The following JAKMIP2 variants were observed in gnomAD, a reference collection of about 807,000 sequenced individuals.
JAKMIP2 encodes janus kinase and microtubule-interacting protein 2.
A neutral mutation model predicts 115.0 loss-of-function variants in JAKMIP2; 25 were observed. That is an observed-to-expected ratio of 0.22 (90% CI 0.16 to 0.30). The LOEUF is 0.30. Among genes scored for constraint, JAKMIP2 ranks in the 10% least tolerant of loss-of-function variants. The pLI is 1.00. For missense variants in JAKMIP2, 642 were observed against 957.6 expected, an observed-to-expected ratio of 0.67 and a Z score of 4.35; for synonymous variants, 334 against 343.6, an observed-to-expected ratio of 0.97 and a Z score of 0.31.
Position 147,651,604 on chromosome 5 carries a change from T to C in JAKMIP2, c.628-1057A>G, listed in dbSNP as rs541673915. On this transcript the variant is annotated intron_variant, in intron 3 of 21. Coordinates refer to ENST00000616793, the MANE Select transcript of JAKMIP2 (RefSeq NM_001270941.2). ...ACAATACTTTTGTATAAATTTTTCT[T>C]TGCTGTGTGCTCTTAGACCAGAAAA... Among the ~76,000 whole-genome samples, 28 of 152,292 alleles carry C rather than the reference T, an allele frequency of 1.8e-4. No homozygotes were observed. The South Asian group carries it at 5.8e-3, about 32-fold the overall frequency.
chr5:147,707,902 G>C (rs1220123272), intron 1 of JAKMIP2, among the ~76,000 whole-genome samples: 28 of 152,160 alleles, frequency 1.8e-4, no homozygotes, highest in Admixed American at 1.8e-3. Flanking sequence ...TTTGAGGCAG[G>C]CTACATCAAC....
chr5:147,603,925 GT>G (rs1336522566), intron 20 of JAKMIP2, among the ~76,000 whole-genome samples: 1 of 151,526 alleles, frequency 6.6e-6, no homozygotes, highest in African/African-American at 2.4e-5. Context: ...TCCCCTTTTT[GT>G]TTTTTTTAAA....
chr5:147,637,571 C>T (rs922807056), intron 10 of JAKMIP2, among the ~76,000 whole-genome samples: 1 of 151,552 alleles, frequency 6.6e-6, no homozygotes, highest in African/African-American at 2.4e-5. Context: ...TCCCAAATAG[C>T]TTGGATTACA....
chr5:147,643,686 T>G (rs1422209080), intron 7 of JAKMIP2, among the ~76,000 whole-genome samples: 1 of 152,184 alleles, frequency 6.6e-6, no homozygotes, highest in Non-Finnish European at 1.5e-5. Flanking sequence ...AAACAAGGTA[T>G]ATATGTGATG....
In JAKMIP2 at chr5:147,764,908, AAGAAAGAAAGAAAGAG is replaced by A. The variant is rs1468061505; in HGVS notation, c.-149+17532_-149+17547del. On this transcript the variant is annotated intron_variant, in intron 1 of 21. Transcript: ENST00000616793. ...TAAAAGGGAAAGAAAGAAAGAAAGA[AAGAAAGAAAGAAAGAG>A]AGAGAGAGAGAGAGAGAGAGAGGGA... Among the ~76,000 whole-genome samples the A allele has an allele frequency of 6.2e-4, 59 of 95,134 alleles. 1 individual carries two copies. The highest frequency in any genetic ancestry group is 9.2e-4 in the Non-Finnish European group (48 of 52,434). The allele number at this position is 95,134 out of a possible 152,430, so 62.4% of individuals were successfully genotyped here. A position where few individuals can be genotyped will look rare whatever the true frequency, so the allele number is the denominator to read the frequency against.
At chr5:147,696,957 A>G (rs1191537072) in intron 1 of JAKMIP2, among the ~76,000 whole-genome samples, 1 of 152,198 alleles carries the variant, frequency 6.6e-6, no homozygotes, top group African/African-American at 2.4e-5. Flanking sequence ...TCTAAGCAGC[A>G]GAGTGTTCAA....
At chr5:147,649,893 A>G (rs1758313263) in intron 4 of JAKMIP2, among the ~76,000 whole-genome samples, 1 of 152,212 alleles carries the variant, frequency 6.6e-6, no homozygotes, top group African/African-American at 2.4e-5. Flanking sequence ...CAATCAGACA[A>G]TAAGTCTTCA....
At chr5:147,640,621 A>C (rs1757837576) in intron 9 of JAKMIP2, 83 bp downstream of exon 9, 9 of 1,448,208 alleles carry the variant, frequency 6.2e-6, no homozygotes, top group Non-Finnish European at 7.6e-6. Flanking sequence ...AAAGGAGATG[A>C]AAAGTGAAAT....
At position 147,644,167 on chromosome 5, in the gene JAKMIP2, T is replaced by C. The variant is rs1389232956; in HGVS notation, c.1115A>G (p.Lys372Arg). Residue 372 changes from lysine to arginine, a missense_variant, in exon 7 of 22, where the codon AAG becomes AGG. By Grantham distance (26) the Lys-to-Arg change is conservative. Around this residue, in one of 6 missense-constraint regions of JAKMIP2, gnomAD observed 439 missense variants for 570.9 expected, o/e 0.77. Coordinates refer to ENST00000616793, the MANE Select transcript of JAKMIP2 (RefSeq NM_001270941.2). ...REKITSHPPL[K>R]KLKSLNDLDQ... Reference sequence around the variant, plus strand: ...GAGGTCATTCAGAGATTTTAATTTCTTCAGGGGTGGATGGGATGTTATTTT... The same window carrying C: ...GAGGTCATTCAGAGATTTTAATTTCCTCAGGGGTGGATGGGATGTTATTTT... 1.2e-6 allele frequency: 2 copies of C among 1,600,242 alleles called. No homozygotes were observed. The highest frequency in any genetic ancestry group is 1.1e-5 in the South Asian group (1 of 88,984).
At chr5:147,676,056 G>A (rs899648844) in intron 1 of JAKMIP2, among the ~76,000 whole-genome samples, 4 of 152,108 alleles carry the variant, frequency 2.6e-5, no homozygotes, top group African/African-American at 7.2e-5. Context: ...TGCCTGGACC[G>A]GGTGCGGTGG....
intron 1 of JAKMIP2, among the ~76,000 whole-genome samples, chr5:147,706,220 CA>C (rs1432222629): frequency 9.9e-5 from 15 of 152,118 alleles, no homozygotes; most frequent in Non-Finnish European, 2.1e-4. Flanking sequence ...AAGACTCTTA[CA>C]GAAGTGAATT....
chr5:147,681,711 T>A (rs551043057), intron 1 of JAKMIP2, among the ~76,000 whole-genome samples: 103 of 152,154 alleles, frequency 6.8e-4, no homozygotes, highest in African/African-American at 2.4e-3. Flanking sequence ...ATGGGCATCA[T>A]AGGAATCTCA....
At chr5:147,682,319 A>G (rs1169513261) in intron 1 of JAKMIP2, among the ~76,000 whole-genome samples, 1 of 152,214 alleles carries the variant, frequency 6.6e-6, no homozygotes, top group Admixed American at 6.5e-5. Flanking sequence ...ACCATGTCAA[A>G]GTTATGGACT....
chr5:147,590,822 T>G lies in JAKMIP2; in HGVS notation c.*885A>C, dbSNP rs1755067798. On this transcript the variant is annotated 3_prime_UTR_variant, in exon 22 of 22. Transcript: ENST00000616793. ...GGAGCATGTGATTTACAGTATCATC[T>G]TCTTAGTTTTCAATATGAATGAGAT... 1 of 152,194 alleles carries G rather than the reference T, an allele frequency of 6.6e-6. No homozygotes were observed. The highest frequency in any genetic ancestry group is 2.4e-5 in the African/African-American group (1 of 41,444). 9.4% of individuals were successfully genotyped at this position (152,194 alleles called of 1,614,324 possible). A position where few individuals can be genotyped will look rare whatever the true frequency, so the allele number is the denominator to read the frequency against.
intron 1 of JAKMIP2, among the ~76,000 whole-genome samples, chr5:147,759,829 T>G (rs182960245): frequency 3.1e-4 from 47 of 152,192 alleles, no homozygotes; most frequent in Non-Finnish European, 4.4e-5. Context: ...AAAGGGTCAT[T>G]GTGTTCTCTG....
intron 3 of JAKMIP2, among the ~76,000 whole-genome samples, chr5:147,655,836 T>C (rs1164865369): frequency 6.6e-6 from 1 of 152,214 alleles, no homozygotes; most frequent in African/African-American, 2.4e-5. Context: ...CATTTAGTGC[T>C]ATAAATTTCC....
intron 1 of JAKMIP2, among the ~76,000 whole-genome samples, chr5:147,730,909 G>A (rs1753707023): frequency 6.6e-6 from 1 of 152,050 alleles, no homozygotes; most frequent in Non-Finnish European, 1.5e-5. Flanking sequence ...TAGGAGGTGA[G>A]CTCAATCTCT....
At chr5:147,601,854 G>C (rs999595199) in intron 20 of JAKMIP2, 43 bp from the exon 21 acceptor site, 5 of 912,258 alleles carry the variant, frequency 5.5e-6, no homozygotes, top group Non-Finnish European at 5.1e-6. Flanking sequence ...CTGAATTTCT[G>C]TAGTGCCATT....
rs945280840 is a variant in JAKMIP2, at chr5:147,587,810, C to T, written c.*3897G>A. On this transcript the variant is annotated 3_prime_UTR_variant, in exon 22 of 22. Coordinates refer to ENST00000616793, the MANE Select transcript of JAKMIP2 (RefSeq NM_001270941.2). ...AAATACTGCAGCAAAATTTATTTGGCAAACTTTATTTCTCCTATTACTAGT... is the reference window on the plus strand; with the variant it reads ...AAATACTGCAGCAAAATTTATTTGGTAAACTTTATTTCTCCTATTACTAGT... The T allele has an allele frequency of 6.6e-6, 1 of 152,164 alleles. No homozygotes were observed. Among genetic ancestry groups the T allele is most frequent in the Non-Finnish European group, 1.5e-5 (1 of 67,986 alleles). The allele number at this position is 152,164 out of a possible 1,614,324, so 9.4% of individuals were successfully genotyped here.
Sources: allele counts gnomAD v4.1 joint callset (sites outside exome capture counted in the v4.1 genomes callset), GRCh38; gene constraint gnomAD v4.1.1; regional missense constraint gnomAD v4.1.1; transcripts MANE v1.5; gene names NCBI Gene and HGNC (gene_info 2026-07-23, HGNC 2026-07-21).